DOLPP1: variants seen among roughly 807,000 people sequenced by gnomAD.
DOLPP1 encodes the protein dolichyldiphosphatase 1.
In DOLPP1, 15 loss-of-function variants were observed where a neutral mutation model predicts 34.1. The ratio of observed to expected loss-of-function variants is 0.44; its 90% confidence interval spans 0.29 to 0.68. DOLPP1 has a LOEUF of 0.68. DOLPP1 is among the 30% of genes least tolerant of loss of function. DOLPP1 has a pLI of 0.12. For synonymous variants in DOLPP1, 130 were observed against 128.2 expected, an observed-to-expected ratio of 1.01 and a Z score of -0.10; for missense variants, 249 against 307.1, an observed-to-expected ratio of 0.81 and a Z score of 1.41.
chr9:129,083,053 AG>A (rs1846920095), intron 1 of DOLPP1, among the ~76,000 whole-genome samples: 1 of 152,190 alleles, frequency 6.6e-6, no homozygotes, highest in Non-Finnish European at 1.5e-5. Context: ...GAAGTAGGAC[AG>A]GGCACGATGC....
At position 129,085,059 on chromosome 9, in the gene DOLPP1, G is replaced by A. The variant is rs765726730; in HGVS notation, c.214G>A (p.Val72Ile). The change falls in exon 3 of 8, where the codon GTC (valine) becomes ATC (isoleucine). Residue 72 changes from valine (V) to isoleucine (I), a missense_variant. Val to Ile is a conservative substitution (Grantham distance 29). Coordinates refer to ENST00000372546, the MANE Select transcript of DOLPP1 (RefSeq NM_020438.5). The surrounding 1 kb of genome is among the most constrained non-coding windows in gnomAD (Gnocchi z 7.0). ...FLGGLALNEG[V>I]NWLIKNVIQE... Reference sequence around the variant, plus strand: ...TGGGGGCCTGGCACTGAACGAGGGGGTCAACTGGCTGATCAAAAACGTCAT... The same window carrying A: ...TGGGGGCCTGGCACTGAACGAGGGGATCAACTGGCTGATCAAAAACGTCAT... 6.3e-7 allele frequency: 1 copy of A among 1,588,394 alleles called. No homozygotes were observed. Among genetic ancestry groups the A allele is most frequent in the Non-Finnish European group, 8.6e-7 (1 of 1,167,432 alleles).
intron 1 of DOLPP1, among the ~76,000 whole-genome samples, chr9:129,082,080 C>T (rs534161490): frequency 2.0e-4 from 31 of 152,230 alleles, no homozygotes; most frequent in South Asian, 6.2e-4. Flanking sequence ...CAGTAAATAC[C>T]TGCAGTTAAT....
In DOLPP1 at chr9:129,085,178, G is replaced by T. The variant is rs759756229; in HGVS notation, c.263-29G>T. The stretch of plus-strand genomic sequence containing the variant: ...GTTACTGGGAGGTCTGCATCCCCCC[G>T]TGATGCCCTGGTCTCCTCTCTCTCC... On this transcript the variant is annotated intron_variant, in intron 3 of 7. Coordinates refer to ENST00000372546, the MANE Select transcript of DOLPP1 (RefSeq NM_020438.5). This position sits in a 1 kb window ranked among gnomAD's most constrained non-coding sequence, Gnocchi z 7.0. 12 of 1,613,002 alleles carry T rather than the reference G, an allele frequency of 7.4e-6. No individual in the cohort carries two copies. The highest frequency in any genetic ancestry group is 1.0e-5 in the Non-Finnish European group (12 of 1,179,278).
In DOLPP1 at chr9:129,084,770, T is replaced by C. The variant is rs1564148917; in HGVS notation, c.177+2T>C. ...ATATTTAAGCGGGAGCTGCACACGG[T>C]GAGTCTGTCTTGCCCACACCCTCCC... On this transcript the variant is annotated splice_donor_variant, in intron 2 of 7. Transcript: ENST00000372546. LOFTEE classifies it high-confidence loss of function. 6.2e-7 allele frequency: 1 copy of C among 1,606,358 alleles called. No individual in the cohort carries two copies. The highest frequency in any genetic ancestry group is 1.1e-5 in the South Asian group (1 of 90,916).
At chr9:129,087,820 G>A (rs1847021445) in intron 7 of DOLPP1, among the ~76,000 whole-genome samples, 1 of 152,146 alleles carries the variant, frequency 6.6e-6, no homozygotes, top group Non-Finnish European at 1.5e-5. Context: ...GGGGATTGGA[G>A]GGGGTTAGGG....
At chr9:129,087,318 CTTTTTTTTTT>C (rs71507949) in intron 7 of DOLPP1, among the ~76,000 whole-genome samples, 1 of 135,754 alleles carries the variant, frequency 7.4e-6, no homozygotes, top group Non-Finnish European at 1.6e-5. Flanking sequence ...TCTTTTTTTT[CTTTTTTTTTT>C]TTTTTGAGAC....
At chr9:129,083,612 A>G (rs895399970) in intron 1 of DOLPP1, among the ~76,000 whole-genome samples, 1 of 152,074 alleles carries the variant, frequency 6.6e-6, no homozygotes, top group African/African-American at 2.4e-5. Flanking sequence ...TGCTTGTGTG[A>G]GGCTGGTGGC....
intron 6 of DOLPP1, 61 bp from the exon 7 acceptor site, chr9:129,086,648 T>G: frequency 6.6e-7 from 1 of 1,520,244 alleles, no homozygotes; most frequent in East Asian, 2.3e-5. Flanking sequence ...TGGGGATGGC[T>G]GGCATGGTAA....
At position 129,085,971 on chromosome 9, in the gene DOLPP1, C is replaced by T. The variant is rs906483202; in HGVS notation, c.462-168C>T. On this transcript the variant is annotated intron_variant, in intron 5 of 7. Transcript: ENST00000372546. This position sits in a 1 kb window ranked among gnomAD's most constrained non-coding sequence, Gnocchi z 7.0. ...AGAGCTGTGTTTGGGGTCCAGCGCC[C>T]TCCCACTTGGAAATGGATCTGAGGC... Among the ~76,000 whole-genome samples the T allele has an allele frequency of 6.6e-6, 1 of 152,246 alleles. No individual in the cohort carries two copies. The highest frequency in any genetic ancestry group is 6.5e-5 in the Admixed American group (1 of 15,288).
chr9:129,081,690 T>C (rs946073016), intron 1 of DOLPP1, among the ~76,000 whole-genome samples: 7 of 152,190 alleles, frequency 4.6e-5, no homozygotes, highest in Admixed American at 2.0e-4. Flanking sequence ...TTTTGAGTAC[T>C]TGTGGTGCCA....
intron 7 of DOLPP1, among the ~76,000 whole-genome samples, chr9:129,088,423 C>G (rs1347275504): frequency 6.6e-6 from 1 of 152,072 alleles, no homozygotes; most frequent in Non-Finnish European, 1.5e-5. Flanking sequence ...CTGTCAGCCC[C>G]TCTAGAAAAT....
intron 2 of DOLPP1, 32 bp from the exon 3 acceptor site, chr9:129,084,991 A>G (rs1013448075): frequency 6.5e-7 from 1 of 1,547,600 alleles, no homozygotes; most frequent in South Asian, 1.3e-5. Flanking sequence ...AGGTGCACAG[A>G]GGCCCAGCTG....
Position 129,086,715 on chromosome 9 carries a change from C to G in DOLPP1, c.597C>G (p.Val199=), listed in dbSNP as rs1320648525. The part of the protein sequence containing the change: ...PLFPRIAAWP[V]SEFFLIRDTS... ...CTGATGTCTGTCTCTCCAGGCCTGTCTCCGAGTTCTTCCTAATCCGAGACA... is the reference window on the plus strand; with the variant it reads ...CTGATGTCTGTCTCTCCAGGCCTGTGTCCGAGTTCTTCCTAATCCGAGACA... Residue 199 remains valine, a synonymous_variant, in exon 7 of 8, where the codon GTC becomes GTG. Transcript: ENST00000372546. The G allele has an allele frequency of 1.9e-6, 3 of 1,613,944 alleles. No homozygotes were observed. Among genetic ancestry groups the G allele is most frequent in the Non-Finnish European group, 1.7e-6 (2 of 1,179,966 alleles).
Position 129,089,820 on chromosome 9 carries a change from C to T in DOLPP1, c.*813C>T, listed in dbSNP as rs766256376. On this transcript the variant is annotated 3_prime_UTR_variant, in exon 8 of 8. Transcript: ENST00000372546. This position sits in a 1 kb window ranked among gnomAD's most constrained non-coding sequence, Gnocchi z 4.9. ...GTCCTGCCATCCAGTAGCAGTTAGT[C>T]TTCATCCCCACGTGAACAAAATGGG... 1.3e-5 allele frequency: 2 copies of T among 152,608 alleles called. No individual in the cohort carries two copies. The highest frequency in any genetic ancestry group is 2.9e-5 in the Non-Finnish European group (2 of 68,062). The allele number at this position is 152,608 out of a possible 1,614,324, so 9.5% of individuals were successfully genotyped here.
chr9:129,086,369 C>G, intron 6 of DOLPP1, 102 bp downstream of exon 6: 3 of 1,432,410 alleles, frequency 2.1e-6, no homozygotes, highest in Middle Eastern at 4.4e-4. Flanking sequence ...GCCCCTGTCT[C>G]CCTGGGAAGG....
At chr9:129,083,297 C>T (rs575387456) in intron 1 of DOLPP1, among the ~76,000 whole-genome samples, 1 of 152,148 alleles carries the variant, frequency 6.6e-6, no homozygotes, top group Non-Finnish European at 1.5e-5. Flanking sequence ...ATGGCTAAAG[C>T]TTTGGGGGTA....
rs376002826 is a variant in DOLPP1, at chr9:129,081,212, A to C, written c.76+5A>C. 3.7e-6 allele frequency: 6 copies of C among 1,608,430 alleles called. No homozygotes were observed. In the African/African-American group the frequency reaches 8.0e-5, roughly 22 times the overall value. On this transcript the variant is annotated splice_donor_5th_base_variant and intron_variant, in intron 1 of 7. Transcript: ENST00000372546. ...CCCACGTCGAATATCCTGCAGGTAA[A>C]AGGCGGTCCCGGCTCCAAGGACGCC... is the stretch of plus-strand genomic sequence containing the variant.
intron 1 of DOLPP1, 82 bp downstream of exon 1, chr9:129,081,289 G>C (rs2131412647): frequency 1.3e-6 from 2 of 1,544,706 alleles, no homozygotes; most frequent in Non-Finnish European, 1.8e-6. Context: ...TCGAGCCCGC[G>C]GAGGGGGCGC....
At position 129,086,743 on chromosome 9, in the gene DOLPP1, A is replaced by G; in HGVS notation, c.625A>G (p.Ser209Gly). 1 of 1,613,976 alleles carries G rather than the reference A, an allele frequency of 6.2e-7. No individual in the cohort carries two copies. The highest frequency in any genetic ancestry group is 8.5e-7 in the Non-Finnish European group (1 of 1,180,002). The change falls in exon 7 of 8, where the codon AGC becomes GGC. Residue 209 changes from serine to glycine, a missense_variant. By Grantham distance (56) the Ser-to-Gly change is moderately conservative (BLOSUM62 0). Coordinates refer to ENST00000372546, the MANE Select transcript of DOLPP1 (RefSeq NM_020438.5). The stretch of plus-strand genomic sequence containing the variant: ...CGAGTTCTTCCTAATCCGAGACACA[A>G]GCCTCATTCCCAACGTACTCTGGTT... ...VSEFFLIRDT[S>G]LIPNVLWFEY...
Sources: gnomAD v4.1 joint callset for allele counts (sites outside exome capture counted in the v4.1 genomes callset) on GRCh38, gnomAD v4.1.1 for gene constraint, Gnocchi (gnomAD v3.1) non-coding constraint, MANE v1.5 for transcripts, NCBI Gene and HGNC (gene_info 2026-07-23, HGNC 2026-07-21) for gene names.